The following UBXN11 variants were observed in gnomAD, a reference collection of about 807,000 sequenced individuals.
UBXN11 encodes UBX domain protein 11, also known as UBX domain-containing protein 11.
A neutral mutation model predicts 62.8 loss-of-function variants in UBXN11; 47 were observed. That is an observed-to-expected ratio of 0.75 (90% CI 0.59 to 0.95). UBXN11 has a LOEUF of 0.95. Ranked by LOEUF, UBXN11 falls within the 40% of genes least tolerant of loss-of-function variation. The probability of loss-of-function intolerance (pLI) is 0.00; values close to 1 mark genes in which losing one functional copy is unlikely to be tolerated. For synonymous variants in UBXN11, 294 were observed against 267.0 expected (o/e 1.10, Z -0.99); for missense variants, 638 against 661.7 (o/e 0.96, Z 0.39).
chr1:26,297,911 T>A lies in UBXN11; in HGVS notation c.300+51A>T, dbSNP rs767731503. 17 of 1,587,872 alleles carry A rather than the reference T, an allele frequency of 1.1e-5. No homozygotes were observed. The South Asian group carries it at 1.5e-4, about 14-fold the overall frequency. On this transcript the variant is annotated intron_variant, in intron 5 of 14. Transcript: ENST00000374222. ...CCAACTCCTGGCCTCCCCAGCCCAG[T>A]CCCTCCACCTCTCAGACCGGCCCCT...
chr1:26,285,453 C>G lies in UBXN11; in HGVS notation c.852+11G>C. 1 of 1,610,894 alleles carries G rather than the reference C, an allele frequency of 6.2e-7. No homozygotes were observed. Among genetic ancestry groups the G allele is most frequent in the Non-Finnish European group, 8.5e-7 (1 of 1,178,766 alleles). On this transcript the variant is annotated intron_variant, in intron 10 of 14. Transcript: ENST00000374222. ...ATCCCCAAAGGTGTGGTTTGAGGAG[C>G]AGCTTATCACCTTAAAGGGGACCCC...
intron 2 of UBXN11, 80 bp from the exon 3 acceptor site, chr1:26,301,802 G>A (rs7512569): frequency 0.014 from 21,589 of 1,571,512 alleles, 290 homozygotes; most frequent in South Asian, 0.049. Flanking sequence ...TCTGGGCACC[G>A]GACTTCAGCC....
At chr1:26,314,026 C>T (rs1436806186) in intron 1 of UBXN11, among the ~76,000 whole-genome samples, 4 of 152,100 alleles carry the variant, frequency 2.6e-5, no homozygotes, top group Non-Finnish European at 4.4e-5. Context: ...GTGATCGACT[C>T]GCCTCGGCCT....
chr1:26,298,375 C>T (rs966001279), intron 4 of UBXN11, among the ~76,000 whole-genome samples: 4 of 152,186 alleles, frequency 2.6e-5, no homozygotes, highest in South Asian at 2.1e-4. Flanking sequence ...ATTTCACCCT[C>T]GATCTAATCA....
chr1:26,284,175 A>G lies in UBXN11; in HGVS notation c.1044T>C (p.Ile348=). 1 of 1,612,790 alleles carries G rather than the reference A, an allele frequency of 6.2e-7. No homozygotes were observed. The highest frequency in any genetic ancestry group is 8.5e-7 in the Non-Finnish European group (1 of 1,179,332). The change falls in exon 12 of 15, where the codon ATT becomes ATC. Residue 348 remains isoleucine, a synonymous_variant. Transcript: ENST00000374222. ...TGTCCCTGATGGGGCCCCGGATGTCAATCACCTCGCCTTGCCGGATCACAA... is the reference window on the plus strand; with the variant it reads ...TGTCCCTGATGGGGCCCCGGATGTCGATCACCTCGCCTTGCCGGATCACAA... ...PKFVIRQGEV[I]DIRGPIRDTL... is the part of the protein sequence containing the mutation.
Sources: gnomAD v4.1 joint callset for allele counts (sites outside exome capture counted in the v4.1 genomes callset) on GRCh38, gnomAD v4.1.1 for gene constraint, MANE v1.5 for transcripts, NCBI Gene and HGNC (gene_info 2026-07-23, HGNC 2026-07-21) for gene names.